EDIL3: variants seen among roughly 807,000 people sequenced by gnomAD.
The protein encoded by EDIL3 is EGF like and discoidin domains 3.
Under a neutral mutation model 67.4 loss-of-function variants are expected in EDIL3, and 37 were observed. That is an observed-to-expected ratio of 0.55 (90% CI 0.42 to 0.72). The LOEUF is 0.72. Ranked by LOEUF, EDIL3 falls within the 30% of genes least tolerant of loss-of-function variation. The pLI, the probability that EDIL3 is intolerant of heterozygous loss-of-function variation, is 0.00. For synonymous variants in EDIL3, 195 were observed against 196.3 expected (o/e 0.99, Z 0.05); for missense variants, 527 against 586.3 (o/e 0.90, Z 1.04).
chr5:84,108,257 G>T (rs984742657), intron 5 of EDIL3, among the ~76,000 whole-genome samples: 1 of 151,900 alleles, frequency 6.6e-6, no homozygotes, highest in African/African-American at 2.4e-5. Flanking sequence ...AAGTAGCTCT[G>T]ATGGCTTTCA....
intron 1 of EDIL3, among the ~76,000 whole-genome samples, chr5:84,360,280 G>C (rs145713015): frequency 1.3e-5 from 2 of 152,118 alleles, no homozygotes; most frequent in African/African-American, 4.8e-5. Context: ...GTATTGCAGC[G>C]GTCACTGAGT....
At chr5:84,176,847 C>T (rs997943076) in intron 4 of EDIL3, among the ~76,000 whole-genome samples, 9 of 151,032 alleles carry the variant, frequency 6.0e-5, no homozygotes, top group Non-Finnish European at 1.0e-4. Flanking sequence ...AATTCTATAC[C>T]AAATCCAATA....
chr5:84,249,326 T>C (rs1022144764), intron 2 of EDIL3, among the ~76,000 whole-genome samples: 1 of 152,190 alleles, frequency 6.6e-6, no homozygotes, highest in African/African-American at 2.4e-5. Context: ...ACATCTGCTT[T>C]ATATTTTTAT....
chr5:84,273,845 C>A (rs1745522071), intron 1 of EDIL3, among the ~76,000 whole-genome samples: 1 of 152,126 alleles, frequency 6.6e-6, no homozygotes, highest in South Asian at 2.1e-4. Context: ...ATTTCTATAC[C>A]TTTATAATAT....
intron 9 of EDIL3, among the ~76,000 whole-genome samples, 174 bp downstream of exon 9, chr5:84,060,126 T>C (rs1746514859): frequency 6.6e-6 from 1 of 152,138 alleles, no homozygotes; most frequent in Non-Finnish European, 1.5e-5. Context: ...AGCGTAAAAA[T>C]AGCCCACAGA....
chr5:84,048,346 T>A (rs113514111), intron 9 of EDIL3: 8 of 330,434 alleles, frequency 2.4e-5, no homozygotes, highest in African/African-American at 1.1e-4. Context: ...TCTAGAATAC[T>A]CCCTTTTAAA....
At chr5:84,179,284 G>A (rs959472088) in intron 4 of EDIL3, among the ~76,000 whole-genome samples, 1 of 152,158 alleles carries the variant, frequency 6.6e-6, no homozygotes, top group Admixed American at 6.5e-5. Flanking sequence ...GGGAGACCTA[G>A]CCTTGGCACC....
At chr5:84,333,785 T>G (rs920533922) in intron 1 of EDIL3, among the ~76,000 whole-genome samples, 5 of 152,226 alleles carry the variant, frequency 3.3e-5, no homozygotes, top group African/African-American at 1.2e-4. Flanking sequence ...AAGCATATAA[T>G]CAATAAAAAT....
chr5:83,964,680 T>G (rs1474441466), intron 9 of EDIL3, among the ~76,000 whole-genome samples: 1 of 152,074 alleles, frequency 6.6e-6, no homozygotes, highest in Non-Finnish European at 1.5e-5. Flanking sequence ...TATTTTTGAA[T>G]TCACATGAGC....
chr5:84,173,873 C>T (rs1427363890), intron 4 of EDIL3, among the ~76,000 whole-genome samples: 2 of 152,150 alleles, frequency 1.3e-5, no homozygotes, highest in Non-Finnish European at 2.9e-5. Context: ...GTGAAGCATG[C>T]TATCTATGCT....
intron 9 of EDIL3, among the ~76,000 whole-genome samples, chr5:83,965,586 A>G (rs2269275): frequency 0.25 from 37,360 of 151,900 alleles, 4,893 homozygotes; most frequent in East Asian, 0.34. Flanking sequence ...CTAAACTTCT[A>G]TAAGTCCTTA....
At chr5:84,303,844 GTGTGTT>G (rs1485316563) in intron 1 of EDIL3, among the ~76,000 whole-genome samples, 12 of 136,384 alleles carry the variant, frequency 8.8e-5, no homozygotes, top group East Asian at 2.0e-4. Context: ...GTGTGTGTGT[GTGTGTT>G]TGTGTGTGTG....
At chr5:84,064,925 C>G (rs968555161) in intron 7 of EDIL3, 81 bp from the exon 8 acceptor site, 3 of 1,419,874 alleles carry the variant, frequency 2.1e-6, no homozygotes, top group African/African-American at 2.9e-5. Flanking sequence ...TATACCTTAT[C>G]GAAAATAATT....
chr5:84,250,451 C>G (rs1322302313), intron 2 of EDIL3, among the ~76,000 whole-genome samples: 1 of 152,210 alleles, frequency 6.6e-6, no homozygotes, highest in Non-Finnish European at 1.5e-5. Context: ...TCCTACGTAA[C>G]ACAGGAATGC....
rs74765392 is a variant in EDIL3 at position 84,306,215 on chromosome 5, G to A, written c.68-52003C>T. On this transcript the variant is annotated intron_variant, in intron 1 of 10. Coordinates refer to ENST00000296591, the MANE Select transcript of EDIL3 (RefSeq NM_005711.5). ...TTAGAATCAACTGTCAGGTAAGAAG[G>A]TCATTGGCTTAAGCTAAGCACTAAG... Among the ~76,000 whole-genome samples the A allele has an allele frequency of 2.0e-3, 310 of 152,256 alleles. 2 individuals carry two copies. The highest frequency in any genetic ancestry group is 7.1e-3 in the African/African-American group (297 of 41,556).
At chr5:84,218,554 A>G (rs1386850435) in intron 3 of EDIL3, among the ~76,000 whole-genome samples, 1 of 152,334 alleles carries the variant, frequency 6.6e-6, no homozygotes, top group Admixed American at 6.5e-5. Flanking sequence ...AAGAACCAAA[A>G]ATCAGCTTAG....
chr5:84,085,566 G>C (rs1431974323), intron 6 of EDIL3, among the ~76,000 whole-genome samples: 2 of 152,120 alleles, frequency 1.3e-5, no homozygotes, highest in Non-Finnish European at 2.9e-5. Context: ...TCCCAGAGGG[G>C]CACCAACCTG....
chr5:83,949,624 C>T (rs773410360), intron 10 of EDIL3, among the ~76,000 whole-genome samples: 1 of 151,724 alleles, frequency 6.6e-6, no homozygotes, highest in Admixed American at 6.6e-5. Flanking sequence ...AAATTGCTGA[C>T]CATCATATCT....
chr5:84,238,913 C>A (rs961142739), intron 2 of EDIL3, among the ~76,000 whole-genome samples: 3 of 151,980 alleles, frequency 2.0e-5, no homozygotes, highest in South Asian at 2.1e-4. Context: ...TGGGCCCACA[C>A]CACATTTTTC....
Sources: gnomAD v4.1 joint callset for allele counts (sites outside exome capture counted in the v4.1 genomes callset) on GRCh38, gnomAD v4.1.1 for gene constraint, MANE v1.5 for transcripts, NCBI Gene and HGNC (gene_info 2026-07-23, HGNC 2026-07-21) for gene names.